The following CHMP1A variants were observed in gnomAD, a reference collection of about 807,000 sequenced individuals.
The protein encoded by CHMP1A is charged multivesicular body protein 1A.
CHMP1A carries 17 observed loss-of-function variants against 27.0 expected under a neutral mutation model. The observed-to-expected ratio is 0.63, with a 90% confidence interval of 0.43 to 0.95. CHMP1A has a LOEUF of 0.95. CHMP1A is among the 40% of genes least tolerant of loss of function. The probability of loss-of-function intolerance (pLI) is 0.00; values close to 1 mark genes in which losing one functional copy is unlikely to be tolerated. For missense variants in CHMP1A, 275 were observed against 264.0 expected (o/e 1.04, Z -0.29); for synonymous variants, 131 against 107.5 (o/e 1.22, Z -1.35).
intron 1 of CHMP1A, among the ~76,000 whole-genome samples, chr16:89,656,929 G>A (rs1393874289): frequency 6.6e-6 from 1 of 151,890 alleles, no homozygotes. Flanking sequence ...CCCTGGGCAA[G>A]GGGTCCTGGG....
chr16:89,652,456 C>G (rs904641191), intron 2 of CHMP1A, among the ~76,000 whole-genome samples: 2 of 149,746 alleles, frequency 1.3e-5, no homozygotes, highest in African/African-American at 4.9e-5. Context: ...CTCTGGCAAC[C>G]CATCTGGAAC....
At position 89,647,302 on chromosome 16, in the gene CHMP1A, T is replaced by TTTGGTCACCTGGGCCATATTC; in HGVS notation, c.261_281dup (p.Asn88_Lys94dup). The TTTGGTCACCTGGGCCATATTC allele has an allele frequency of 6.2e-7, 1 of 1,611,234 alleles. No individual in the cohort carries two copies. Among genetic ancestry groups the TTTGGTCACCTGGGCCATATTC allele is most frequent in the Non-Finnish European group, 8.5e-7 (1 of 1,178,212 alleles). ...TGGTGCTCAGGGCCTTGTCCAGGGC[T>TTTGGTCACCTGGGCCATATTC]TTGGTCACCTGGGCCATATTCTTGG... On this transcript the variant is annotated inframe_insertion, in exon 5 of 7. Transcript: ENST00000397901.
rs114931496 is a variant in CHMP1A, at chr16:89,649,393, G to A, written c.210C>T (p.Asp70=). The A allele has an allele frequency of 8.6e-4, 1,394 of 1,613,678 alleles. 12 individuals are homozygous for A. The African/African-American group carries it at 0.015, about 18-fold the overall frequency. ...VNWLRMASRV[D]AVASKVQTAV... ...CTGTCTGCACCTTGGAGGCCACTGC[G>A]TCTACGCGGGACGCCATCCGAAGCC... The change falls in exon 4 of 7, where the codon GAC becomes GAT. Residue 70 remains aspartate (D), a synonymous_variant. Coordinates refer to ENST00000397901, the MANE Select transcript of CHMP1A (RefSeq NM_002768.5).
At chr16:89,646,960 G>A (rs2059778826) in intron 5 of CHMP1A, 2 of 1,317,494 alleles carry the variant, frequency 1.5e-6, no homozygotes, top group Non-Finnish European at 2.0e-6. Flanking sequence ...ACCTCTGCAT[G>A]CTTGTCTGCC....
chr16:89,647,603 T>TGGGGTCTCCA (rs1568000343), intron 4 of CHMP1A, among the ~76,000 whole-genome samples: 1 of 122,284 alleles, frequency 8.2e-6, no homozygotes, highest in Non-Finnish European at 1.8e-5. Flanking sequence ...GCCGCCGACG[T>TGGGGTCTCCA]GGAGACCCAG....
At position 89,657,673 on chromosome 16, in the gene CHMP1A, A is replaced by T. The variant is rs904915242; in HGVS notation, c.-85T>A. 6.4e-7 allele frequency: 1 copy of T among 1,560,432 alleles called. No individual in the cohort carries two copies. Among genetic ancestry groups the T allele is most frequent in the Non-Finnish European group, 8.7e-7 (1 of 1,143,658 alleles). On this transcript the variant is annotated 5_prime_UTR_variant, in exon 1 of 7. Transcript: ENST00000397901. The stretch of plus-strand genomic sequence containing the variant: ...TCAGGTCCCGGCGGCGATCGAACCG[A>T]CCAAGCTGCACCCGGCGGGGACTTC...
intron 1 of CHMP1A, among the ~76,000 whole-genome samples, chr16:89,655,962 G>A (rs1385655094): frequency 6.6e-6 from 1 of 151,882 alleles, no homozygotes; most frequent in East Asian, 1.9e-4. Flanking sequence ...GAGCCACCGC[G>A]CCCGGCCTCC....
intron 3 of CHMP1A, among the ~76,000 whole-genome samples, chr16:89,650,300 T>G (rs748491662): frequency 2.7e-4 from 41 of 152,096 alleles, no homozygotes; most frequent in Non-Finnish European, 2.4e-4. Flanking sequence ...CGCCTCAGCC[T>G]TCCGAGTAGC....
chr16:89,646,630 C>G lies in CHMP1A; in HGVS notation c.466G>C (p.Glu156Gln). 3 of 1,609,558 alleles carry G rather than the reference C, an allele frequency of 1.9e-6. No homozygotes were observed. The highest frequency in any genetic ancestry group is 1.7e-6 in the Non-Finnish European group (2 of 1,178,586). The change falls in exon 6 of 7, where the codon GAG becomes CAG. Residue 156 changes from glutamate to glutamine, a missense_variant. By Grantham distance (29) the Glu-to-Gln change is conservative. Transcript: ENST00000397901. ...TGGTCCAGCACCTCCAGGCCATTCTCCTCGGCGATCTGCATGATGAGGCTG... is the reference window on the plus strand; with the variant it reads ...TGGTCCAGCACCTCCAGGCCATTCTGCTCGGCGATCTGCATGATGAGGCTG... Reference protein sequence around the residue: ...VDSLIMQIAEENGLEVLDQLS... With the variant: ...VDSLIMQIAEQNGLEVLDQLS...
chr16:89,656,994 G>A (rs1172915892), intron 1 of CHMP1A, among the ~76,000 whole-genome samples: 1 of 149,226 alleles, frequency 6.7e-6, no homozygotes, highest in East Asian at 2.0e-4. Flanking sequence ...AGGCCCCGGG[G>A]AAGGCATACC....
At chr16:89,651,713 A>AC in intron 2 of CHMP1A, 67 bp from the exon 3 acceptor site, 1 of 1,491,006 alleles carries the variant, frequency 6.7e-7, no homozygotes, top group Non-Finnish European at 9.2e-7. Context: ...GGCTCTCCAC[A>AC]CCCCCACACC....
At chr16:89,655,522 C>G (rs765506384) in intron 1 of CHMP1A, among the ~76,000 whole-genome samples, 5 of 152,152 alleles carry the variant, frequency 3.3e-5, no homozygotes, top group Non-Finnish European at 5.9e-5. Flanking sequence ...TGTGGCAGCA[C>G]AAAAACCCAG....
At chr16:89,655,336 G>C (rs1475357466) in intron 1 of CHMP1A, among the ~76,000 whole-genome samples, 1 of 149,874 alleles carries the variant, frequency 6.7e-6, no homozygotes, top group Non-Finnish European at 1.5e-5. Flanking sequence ...AACTCACTGT[G>C]GGATGCTGGC....
chr16:89,654,065 GC>G (rs59326830), intron 1 of CHMP1A, 142 bp from the exon 2 acceptor site: 52 of 871,866 alleles, frequency 6.0e-5, no homozygotes, highest in South Asian at 1.3e-4. Context: ...CCTTCGGGGA[GC>G]CCCCCCCAAC....
chr16:89,654,406 T>C (rs1400450531), intron 1 of CHMP1A, among the ~76,000 whole-genome samples: 1 of 152,124 alleles, frequency 6.6e-6, no homozygotes, highest in Non-Finnish European at 1.5e-5. Flanking sequence ...GAGGCCAGCC[T>C]GGGCCAATTT....
chr16:89,655,357 TC>T (rs2059856089), intron 1 of CHMP1A, among the ~76,000 whole-genome samples: 1 of 113,240 alleles, frequency 8.8e-6, no homozygotes, highest in African/African-American at 3.8e-5. Flanking sequence ...CAAACCGCCC[TC>T]CTCATCTCAG....
In CHMP1A at chr16:89,646,629, T is replaced by A; in HGVS notation, c.467A>T (p.Glu156Val). The change falls in exon 6 of 7, where the codon GAG (glutamate) becomes GTG (valine). Residue 156 changes from glutamate (E) to valine (V), a missense_variant. Glu to Val is a moderately radical substitution (Grantham distance 121). Transcript: ENST00000397901. The part of the protein sequence containing the change: ...VDSLIMQIAE[E>V]NGLEVLDQLS... Reference sequence around the variant, plus strand: ...CTGGTCCAGCACCTCCAGGCCATTCTCCTCGGCGATCTGCATGATGAGGCT... The same window carrying A: ...CTGGTCCAGCACCTCCAGGCCATTCACCTCGGCGATCTGCATGATGAGGCT... 1 of 1,609,364 alleles carries A rather than the reference T, an allele frequency of 6.2e-7. No homozygotes were observed. Among genetic ancestry groups the A allele is most frequent in the Non-Finnish European group, 8.5e-7 (1 of 1,178,534 alleles).
At position 89,657,566 on chromosome 16, in the gene CHMP1A, G is replaced by T. The variant is rs1357233180; in HGVS notation, c.7+16C>A. On this transcript the variant is annotated intron_variant, in intron 1 of 6. Transcript: ENST00000397901. ...CCCCGCGCGCGAGTCCCCGGAGGACGGCCGCGACCTCTTACCGTCCATGGC... is the reference window on the plus strand; with the variant it reads ...CCCCGCGCGCGAGTCCCCGGAGGACTGCCGCGACCTCTTACCGTCCATGGC... 1 of 1,610,650 alleles carries T rather than the reference G, an allele frequency of 6.2e-7. No individual in the cohort carries two copies. Among genetic ancestry groups the T allele is most frequent in the Non-Finnish European group, 8.5e-7 (1 of 1,179,078 alleles).
intron 4 of CHMP1A, chr16:89,649,077 C>G (rs1056668040): frequency 2.3e-6 from 1 of 428,464 alleles, no homozygotes; most frequent in Non-Finnish European, 4.1e-6. Context: ...GAGGTCCTTC[C>G]TGGGGCATCA....
Sources: gnomAD v4.1 joint callset for allele counts (sites outside exome capture counted in the v4.1 genomes callset) on GRCh38, gnomAD v4.1.1 for gene constraint, MANE v1.5 for transcripts, NCBI Gene and HGNC (gene_info 2026-07-23, HGNC 2026-07-21) for gene names.